Variants in INTS13 observed in about 807,000 individuals in gnomAD.
INTS13 encodes the protein integrator complex subunit 13.
INTS13 carries 35 observed loss-of-function variants against 90.2 expected under a neutral mutation model. That is an observed-to-expected ratio of 0.39 (90% CI 0.30 to 0.51). INTS13 has a LOEUF of 0.51. Ranked by LOEUF, INTS13 falls within the 20% of genes least tolerant of loss-of-function variation. The pLI, the probability that INTS13 is intolerant of heterozygous loss-of-function variation, is 0.80. For missense variants in INTS13, 601 were observed against 851.2 expected (o/e 0.71, Z 3.66); for synonymous variants, 309 against 277.1 (o/e 1.11, Z -1.14).
chr12:26,933,153 T>C (rs1304131402), intron 3 of INTS13, among the ~76,000 whole-genome samples: 1 of 152,168 alleles, frequency 6.6e-6, no homozygotes, highest in African/African-American at 2.4e-5. Context: ...GAGAGTTCTA[T>C]ACAAGGGTTA....
chr12:26,917,820 T>C, intron 8 of INTS13, 87 bp from the exon 9 acceptor site: 1 of 886,136 alleles, frequency 1.1e-6, no homozygotes, highest in Non-Finnish European at 1.8e-6. Context: ...AATTATGTTT[T>C]AATTTAAAAA....
intron 13 of INTS13, 29 bp downstream of exon 13, chr12:26,913,945 T>G (rs1352965270): frequency 6.3e-7 from 1 of 1,578,548 alleles, no homozygotes; most frequent in African/African-American, 1.4e-5. Context: ...AAATGTGATC[T>G]ATAAAGTAAG....
chr12:26,908,630 C>G (rs1951684917), intron 15 of INTS13, among the ~76,000 whole-genome samples: 1 of 151,692 alleles, frequency 6.6e-6, no homozygotes, highest in Non-Finnish European at 1.5e-5. Context: ...GCCTTAAGTA[C>G]AGTGTATACA....
chr12:26,924,350 C>T lies in INTS13; in HGVS notation c.804+5G>A. 1 of 1,609,326 alleles carries T rather than the reference C, an allele frequency of 6.2e-7. No homozygotes were observed. Among genetic ancestry groups the T allele is most frequent in the Non-Finnish European group, 8.5e-7 (1 of 1,178,008 alleles). On this transcript the variant is annotated splice_donor_5th_base_variant and intron_variant, in intron 7 of 16. Transcript: ENST00000261191. ...TTCAAAATAGCAGGAAAAAGAACTG[C>T]CTACCTTCATTGGAATATTTGTAAT...
At position 26,922,621 on chromosome 12, in the gene INTS13, T is replaced by C. The variant is rs757251321; in HGVS notation, c.884A>G (p.Lys295Arg). The C allele has an allele frequency of 1.3e-6, 2 of 1,583,922 alleles. No individual in the cohort carries two copies. The highest frequency in any genetic ancestry group is 3.6e-5 in the Admixed American group (2 of 56,300). The part of the protein sequence containing the change: ...HHKDAHVDFL[K>R]SGDSHLGGGS... ...TACTTTCAAATGTCTCTTACCACTT[T>C]TCAGGAAATCTACATGTGCATCTTT... Residue 295 changes from lysine to arginine, a missense_variant, in exon 8 of 17, where the codon AAA (lysine) becomes AGA (arginine). Physicochemically the swap from Lys to Arg is conservative, Grantham distance 26. Around this residue, in one of 3 missense-constraint regions of INTS13, gnomAD observed 284 missense variants for 387.7 expected, o/e 0.73. Coordinates refer to ENST00000261191, the MANE Select transcript of INTS13 (RefSeq NM_018164.3).
chr12:26,919,172 A>T (rs1174974297), intron 8 of INTS13: 1 of 157,016 alleles, frequency 6.4e-6, no homozygotes, highest in Non-Finnish European at 1.4e-5. Context: ...GTCTCAGATT[A>T]AAAAAAGAAA....
chr12:26,923,581 T>C (rs1048094750), intron 7 of INTS13, among the ~76,000 whole-genome samples: 1 of 152,118 alleles, frequency 6.6e-6, no homozygotes, highest in East Asian at 1.9e-4. Flanking sequence ...AAAAACCCAT[T>C]TGAAGCTTAC....
intron 5 of INTS13, among the ~76,000 whole-genome samples, chr12:26,927,875 C>T (rs1288922851): frequency 1.3e-5 from 2 of 152,122 alleles, no homozygotes; most frequent in Non-Finnish European, 2.9e-5. Context: ...TTCGGCCCCG[C>T]AAAGTGCTGG....
chr12:26,914,454 T>A lies in INTS13; in HGVS notation c.1373A>T (p.Tyr458Phe). 2 of 1,613,976 alleles carry A rather than the reference T, an allele frequency of 1.2e-6. No individual in the cohort carries two copies. Among genetic ancestry groups the A allele is most frequent in the Non-Finnish European group, 1.7e-6 (2 of 1,179,932 alleles). ...AKDQLEKHTR[Y>F]WPMIISQTTI... Reference sequence around the variant, plus strand: ...GGTTTGTGAAATGATCATAGGCCAGTAACGGGTATGTTTTTCTAACTGATC... The same window carrying A: ...GGTTTGTGAAATGATCATAGGCCAGAAACGGGTATGTTTTTCTAACTGATC... Residue 458 changes from tyrosine (Y) to phenylalanine (F), a missense_variant, in exon 12 of 17, where the codon TAC becomes TTC. This residue lies in a region of INTS13 where 89 missense variants were observed against 191.0 expected (regional missense o/e 0.47). Transcript: ENST00000261191.
intron 3 of INTS13, among the ~76,000 whole-genome samples, chr12:26,933,015 A>C (rs1391202506): frequency 6.6e-6 from 1 of 152,250 alleles, no homozygotes; most frequent in Middle Eastern, 3.2e-3. Context: ...AAAAGAAAAC[A>C]TCAAATAAAC....
intron 15 of INTS13, among the ~76,000 whole-genome samples, chr12:26,907,744 C>T (rs1429473959): frequency 6.6e-6 from 1 of 152,132 alleles, no homozygotes; most frequent in African/African-American, 2.4e-5. Context: ...TAATAAGAAA[C>T]AATCCAATTT....
chr12:26,922,327 A>C (rs776737798), intron 8 of INTS13, among the ~76,000 whole-genome samples: 6 of 152,248 alleles, frequency 3.9e-5, no homozygotes, highest in Non-Finnish European at 7.3e-5. Context: ...AGAGGGAGAG[A>C]GACCAAGAGA....
intron 3 of INTS13, among the ~76,000 whole-genome samples, chr12:26,933,506 A>C (rs1255785791): frequency 1.3e-5 from 2 of 152,346 alleles, no homozygotes; most frequent in South Asian, 2.1e-4. Flanking sequence ...CAAAATTTTG[A>C]GGAAAAAGTT....
In INTS13 at chr12:26,916,026, T is replaced by G; in HGVS notation, c.1224A>C (p.Gly408=). The G allele has an allele frequency of 6.2e-7, 1 of 1,613,082 alleles. No homozygotes were observed. The highest frequency in any genetic ancestry group is 8.5e-7 in the Non-Finnish European group (1 of 1,179,614). ...DPPSISEGCG[G]RVTDYRITDF... Reference sequence around the variant, plus strand: ...CTGTAATCCGGTAGTCTGTAACTCTTCCTCCACATCCTTCACTAATTGAAG... The same window carrying G: ...CTGTAATCCGGTAGTCTGTAACTCTGCCTCCACATCCTTCACTAATTGAAG... The change falls in exon 11 of 17, where the codon GGA becomes GGC. Residue 408 remains glycine, a synonymous_variant. Coordinates refer to ENST00000261191, the MANE Select transcript of INTS13 (RefSeq NM_018164.3).
intron 8 of INTS13, among the ~76,000 whole-genome samples, chr12:26,920,083 G>A (rs1273955671): frequency 6.6e-6 from 1 of 151,054 alleles, no homozygotes; most frequent in African/African-American, 2.4e-5. Context: ...AGCCAAGATC[G>A]CGTCACTGCA....
At chr12:26,922,188 T>C (rs1268204669) in intron 8 of INTS13, among the ~76,000 whole-genome samples, 1 of 152,176 alleles carries the variant, frequency 6.6e-6, no homozygotes, top group Non-Finnish European at 1.5e-5. Context: ...GTGTTTAAGG[T>C]CCATAGTAGC....
chr12:26,910,547 C>A (rs1951740322), intron 15 of INTS13, among the ~76,000 whole-genome samples: 1 of 152,198 alleles, frequency 6.6e-6, no homozygotes, highest in African/African-American at 2.4e-5. Flanking sequence ...TTTGCTCTGC[C>A]CTTCCCCTGG....
intron 3 of INTS13, among the ~76,000 whole-genome samples, chr12:26,931,150 A>C (rs1047753584): frequency 6.6e-6 from 1 of 151,784 alleles, no homozygotes; most frequent in African/African-American, 2.4e-5. Context: ...AAAAAAAAAA[A>C]CAGAAAAAGA....
intron 3 of INTS13, among the ~76,000 whole-genome samples, chr12:26,930,728 T>C (rs1348716665): frequency 6.6e-6 from 1 of 152,220 alleles, no homozygotes; most frequent in African/African-American, 2.4e-5. Context: ...ATGCACACTT[T>C]TACTGCACTG....
Sources: allele counts gnomAD v4.1 joint callset (sites outside exome capture counted in the v4.1 genomes callset), GRCh38; gene constraint gnomAD v4.1.1; regional missense constraint gnomAD v4.1.1; transcripts MANE v1.5; gene names NCBI Gene and HGNC (gene_info 2026-07-23, HGNC 2026-07-21).